Variants in LDB3 observed in about 807,000 individuals in gnomAD.
The protein encoded by LDB3 is LIM domain-binding protein 3.
Under a neutral mutation model 69.0 loss-of-function variants are expected in LDB3, and 49 were observed. That is an observed-to-expected ratio of 0.71 (90% CI 0.56 to 0.90). LDB3 has a LOEUF of 0.90. LDB3 is among the 40% of genes least tolerant of loss of function. The pLI is 0.00. For synonymous variants in LDB3, 387 were observed against 396.2 expected, an observed-to-expected ratio of 0.98 and a Z score of 0.28; for missense variants, 928 against 974.1, an observed-to-expected ratio of 0.95 and a Z score of 0.63.
intron 2 of LDB3, among the ~76,000 whole-genome samples, chr10:86,674,323 T>G (rs1844653420): frequency 6.6e-6 from 1 of 152,154 alleles, no homozygotes; most frequent in Admixed American, 6.5e-5. Flanking sequence ...GGCACCGAAG[T>G]CAGGGGCCCG....
chr10:86,699,798 G>T lies in LDB3; in HGVS notation c.897-6733G>T. On this transcript the variant is annotated intron_variant, in intron 7 of 13. Transcript: ENST00000361373. This position sits in a 1 kb window ranked among gnomAD's most constrained non-coding sequence, Gnocchi z 4.9. ...TAGAATGAGTCACCCGTAGATCAGG[G>T]TCTGGGGAAGAGGCTGATCCCTGGC... 1 of 1,040,762 alleles carries T rather than the reference G, an allele frequency of 9.6e-7. No homozygotes were observed. The highest frequency in any genetic ancestry group is 1.2e-6 in the Non-Finnish European group (1 of 863,126). 64.5% of individuals were successfully genotyped at this position (1,040,762 alleles called of 1,614,324 possible).
intron 12 of LDB3, among the ~76,000 whole-genome samples, chr10:86,722,754 A>T (rs886694268): frequency 1.7e-4 from 26 of 150,326 alleles, no homozygotes; most frequent in African/African-American, 6.1e-4. Flanking sequence ...ATTAGTAGAG[A>T]TGGGGGATTT....
At chr10:86,722,019 G>A (rs1486325585) in intron 12 of LDB3, among the ~76,000 whole-genome samples, 2 of 152,212 alleles carry the variant, frequency 1.3e-5, no homozygotes, top group African/African-American at 4.8e-5. Flanking sequence ...TACTCCTTGT[G>A]GAAAAGGCCC....
intron 8 of LDB3, among the ~76,000 whole-genome samples, chr10:86,707,984 G>T (rs2132461816): frequency 6.6e-6 from 1 of 152,372 alleles, no homozygotes; most frequent in South Asian, 2.1e-4. Context: ...GTTTTTGAGT[G>T]GGAAGAAGCC....
chr10:86,679,555 T>G (rs762487923), intron 3 of LDB3, 37 bp downstream of exon 3: 1 of 1,611,402 alleles, frequency 6.2e-7, no homozygotes, highest in Admixed American at 1.7e-5. Flanking sequence ...GGCGGAGGTT[T>G]GGGTGTGGGC....
In LDB3 at chr10:86,716,545, C is replaced by T. The variant is rs1476302130; in HGVS notation, c.1450C>T (p.Pro484Ser). 6.2e-7 allele frequency: 1 copy of T among 1,613,468 alleles called. No individual in the cohort carries two copies. Among genetic ancestry groups the T allele is most frequent in the Non-Finnish European group, 8.5e-7 (1 of 1,179,906 alleles). ...GGCCTACAGCGGGGGCCCTGCGGAG[C>T]CTGCCAGCCGTCCACCCTGGGTGAC... ...SVAYSGGPAE[P>S]ASRPPWVTDD... Residue 484 changes from proline to serine, a missense_variant, in exon 10 of 14, where the codon CCT becomes TCT. Transcript: ENST00000361373.
chr10:86,679,083 G>A (rs1300595686), intron 2 of LDB3, among the ~76,000 whole-genome samples: 2 of 152,152 alleles, frequency 1.3e-5, no homozygotes, highest in Non-Finnish European at 2.9e-5. Context: ...TCACAAGGAT[G>A]GTTGCTAGAG....
chr10:86,685,888 G>A (rs927988558), intron 5 of LDB3, among the ~76,000 whole-genome samples: 5 of 152,174 alleles, frequency 3.3e-5, no homozygotes, highest in Admixed American at 2.6e-4. Context: ...ATTTGGGGGT[G>A]GGAGTGGGGG....
At chr10:86,704,368 C>T (rs1846366460) in intron 7 of LDB3, among the ~76,000 whole-genome samples, 1 of 152,028 alleles carries the variant, frequency 6.6e-6, no homozygotes, top group African/African-American at 2.4e-5. Flanking sequence ...GGGTCACAAT[C>T]CCAATGGCTC....
chr10:86,710,482 C>T (rs1589667933), intron 9 of LDB3, among the ~76,000 whole-genome samples: 1 of 152,110 alleles, frequency 6.6e-6, no homozygotes, highest in Admixed American at 6.5e-5. Flanking sequence ...CCCAGCTACT[C>T]GGGAGGCTGA....
At chr10:86,694,521 G>A (rs1845917952) in intron 7 of LDB3, among the ~76,000 whole-genome samples, 1 of 152,114 alleles carries the variant, frequency 6.6e-6, no homozygotes, top group African/African-American at 2.4e-5. Flanking sequence ...CTCTCTCTGG[G>A]GTCTCAGGCC....
At chr10:86,689,115 G>A (rs144268902) in intron 5 of LDB3, among the ~76,000 whole-genome samples, 4 of 152,252 alleles carry the variant, frequency 2.6e-5, no homozygotes, top group Admixed American at 1.3e-4. Context: ...CTCAATGACC[G>A]TGTTTTTTCT....
chr10:86,700,001 A>C, intron 7 of LDB3: 1 of 988,342 alleles, frequency 1.0e-6, no homozygotes, highest in Non-Finnish European at 1.2e-6. Context: ...TCTCTTCTGT[A>C]CATATAAGCA....
intron 13 of LDB3, among the ~76,000 whole-genome samples, chr10:86,728,667 C>T (rs1847355897): frequency 6.7e-6 from 1 of 148,526 alleles, no homozygotes; most frequent in Non-Finnish European, 1.5e-5. Flanking sequence ...ACTGCAACCT[C>T]CACCTCCCAG....
At chr10:86,667,918 C>G (rs1471302027), upstream of LDB3, among the ~76,000 whole-genome samples, 2 of 152,350 alleles carry the variant, frequency 1.3e-5, no homozygotes, top group East Asian at 3.9e-4. Flanking sequence ...TGGGTCCACT[C>G]CTTGTGTGAC....
intron 2 of LDB3, among the ~76,000 whole-genome samples, chr10:86,674,817 T>C (rs541839978): frequency 6.6e-6 from 1 of 152,282 alleles, no homozygotes; most frequent in Non-Finnish European, 1.5e-5. Flanking sequence ...GTGCCTGGAC[T>C]GCACTCTCCA....
chr10:86,728,087 CAG>C (rs1230379742), intron 13 of LDB3, among the ~76,000 whole-genome samples: 3 of 152,186 alleles, frequency 2.0e-5, no homozygotes, highest in African/African-American at 7.2e-5. Flanking sequence ...TTGTCCCCTG[CAG>C]AGTCATAGCT....
At chr10:86,725,288 G>T (rs1847216735) in intron 12 of LDB3, among the ~76,000 whole-genome samples, 1 of 152,316 alleles carries the variant, frequency 6.6e-6, no homozygotes, top group South Asian at 2.1e-4. Context: ...TCAGCTGTGG[G>T]ATGCTGGCTG....
chr10:86,668,670 G>A lies in LDB3; in HGVS notation c.-22G>A. ...ACCCTCTCTACCCTTTGTCTGCAGA[G>A]GCGGCCGCTGACAGCACCAGCATGT... On this transcript the variant is annotated splice_region_variant and 5_prime_UTR_variant, in exon 2 of 14. Coordinates refer to ENST00000361373, the MANE Select transcript of LDB3 (RefSeq NM_007078.3). 1.2e-6 allele frequency: 2 copies of A among 1,600,968 alleles called. No homozygotes were observed. Among genetic ancestry groups the A allele is most frequent in the Non-Finnish European group, 1.7e-6 (2 of 1,168,808 alleles).
Sources: allele counts gnomAD v4.1 joint callset (sites outside exome capture counted in the v4.1 genomes callset), GRCh38; gene constraint gnomAD v4.1.1; non-coding constraint Gnocchi (gnomAD v3.1); transcripts MANE v1.5; gene names NCBI Gene and HGNC (gene_info 2026-07-23, HGNC 2026-07-21).